MIA2: variants seen among roughly 807,000 people sequenced by gnomAD.
MIA2 encodes the protein MIA SH3 domain ER export factor 2, also known as melanoma inhibitory activity protein 2.
A neutral mutation model predicts 167.8 loss-of-function variants in MIA2; 127 were observed. The observed-to-expected ratio is 0.76, with a 90% CI of 0.66 to 0.88. The LOEUF is 0.88. MIA2 is among the 40% of genes least tolerant of loss of function. MIA2 has a pLI of 0.00. For missense variants in MIA2, 1,690 were observed against 1,624.7 expected (o/e 1.04, Z -0.69); for synonymous variants, 552 against 541.9 (o/e 1.02, Z -0.26).
chr14:39,363,635 G>A (rs1431122850), intron 23 of MIA2, among the ~76,000 whole-genome samples: 1 of 152,228 alleles, frequency 6.6e-6, no homozygotes. Flanking sequence ...CTGCATTGGT[G>A]TCTGTGTCTC....
intron 23 of MIA2, among the ~76,000 whole-genome samples, chr14:39,368,615 T>C (rs1467564837): frequency 2.0e-5 from 3 of 151,990 alleles, no homozygotes; most frequent in African/African-American, 4.8e-5. Flanking sequence ...TTTTTTTTAA[T>C]CTTTGGAAAA....
chr14:39,261,791 T>G (rs931930118), intron 6 of MIA2, among the ~76,000 whole-genome samples: 1 of 152,222 alleles, frequency 6.6e-6, no homozygotes, highest in African/African-American at 2.4e-5. Flanking sequence ...ATGTCTTCTT[T>G]TGAGAAGTGT....
chr14:39,311,986 T>G (rs748605402), intron 18 of MIA2, among the ~76,000 whole-genome samples: 1 of 151,582 alleles, frequency 6.6e-6, no homozygotes, highest in African/African-American at 2.4e-5. Context: ...CGCGCCACCA[T>G]GCCTGCCTAA....
Position 39,247,573 on chromosome 14 carries a change from A to G in MIA2, c.999A>G (p.Glu333=). The change falls in exon 4 of 29, where the codon GAA becomes GAG. Residue 333 remains glutamate, a synonymous_variant. Coordinates refer to ENST00000640607, the MANE Select transcript of MIA2 (RefSeq NM_001329214.4). ...CAGGGCTTGAATTAATAGCTGAAGA[A>G]AGCAATCCACCACTACAAGATTTTC... ...EDTGLELIAE[E]SNPPLQDFPN... is the part of the protein sequence containing the mutation. 6.2e-7 allele frequency: 1 copy of G among 1,614,046 alleles called. No individual in the cohort carries two copies. Among genetic ancestry groups the G allele is most frequent in the Non-Finnish European group, 8.5e-7 (1 of 1,180,024 alleles).
rs2060596509 is a variant in MIA2, at chr14:39,290,580, G to C, written c.2131-439G>C. On this transcript the variant is annotated intron_variant, in intron 9 of 28. Coordinates refer to ENST00000640607, the MANE Select transcript of MIA2 (RefSeq NM_001329214.4). The stretch of plus-strand genomic sequence containing the variant: ...AAGTGAAAAGTTTTGATGGTCAGTT[G>C]CTATATATTTCTCTTTAATGAATAG... Among the ~76,000 whole-genome samples, 3 of 152,100 alleles carry C rather than the reference G, an allele frequency of 2.0e-5. 1 individual carries two copies. The South Asian group carries it at 6.2e-4, about 31-fold the overall frequency.
intron 23 of MIA2, among the ~76,000 whole-genome samples, chr14:39,363,839 TG>T (rs2074754440): frequency 6.6e-6 from 1 of 152,240 alleles, no homozygotes; most frequent in Non-Finnish European, 1.5e-5. Flanking sequence ...TGCTTGCTTT[TG>T]GTTTCTCTTC....
chr14:39,301,041 C>CATAT (rs1566820285), intron 14 of MIA2, among the ~76,000 whole-genome samples: 12 of 1,392 alleles, frequency 8.6e-3, no homozygotes, highest in Admixed American at 0.019. Flanking sequence ...CATATACATA[C>CATAT]ACACACACAC....
In MIA2 at chr14:39,321,211, G is replaced by A. The variant is rs930426689; in HGVS notation, c.3496+155G>A. Among the ~76,000 whole-genome samples the A allele has an allele frequency of 3.3e-5, 5 of 152,166 alleles. No homozygotes were observed. In the East Asian group the frequency reaches 7.7e-4, roughly 23 times the overall value. ...CTTTTATTTGGAAAAGGAGCTCTAT[G>A]ACATCTAATTTTGATGTATTTTTCT... On this transcript the variant is annotated intron_variant, in intron 24 of 28. Transcript: ENST00000640607.
At chr14:39,312,013 G>T (rs190093841) in intron 18 of MIA2, among the ~76,000 whole-genome samples, 154 of 144,776 alleles carry the variant, frequency 1.1e-3, no homozygotes, top group African/African-American at 3.7e-3. Flanking sequence ...TATTTTTAGT[G>T]GAGATGGGGT....
chr14:39,302,141 C>A lies in MIA2; in HGVS notation c.2632C>A (p.Arg878Ser). 1 of 1,613,040 alleles carries A rather than the reference C, an allele frequency of 6.2e-7. No homozygotes were observed. Among genetic ancestry groups the A allele is most frequent in the Non-Finnish European group, 8.5e-7 (1 of 1,179,364 alleles). Residue 878 changes from arginine to serine, a missense_variant, in exon 15 of 29, where the codon CGC becomes AGC. Transcript: ENST00000640607. Reference protein sequence around the residue: ...KESHIKTLTERLLKMKDWAAM... With the variant: ...KESHIKTLTESLLKMKDWAAM... Reference sequence around the variant, plus strand: ...GTTCAATGTCAAGACTCTGACTGAACGCTTGTTAAAGATGAAAGATTGGGC... The same window carrying A: ...GTTCAATGTCAAGACTCTGACTGAAAGCTTGTTAAAGATGAAAGATTGGGC...
chr14:39,338,361 TAAA>T (rs757891415), intron 25 of MIA2, among the ~76,000 whole-genome samples: 2 of 152,106 alleles, frequency 1.3e-5, no homozygotes, highest in African/African-American at 2.4e-5. Context: ...TATTTTAAAA[TAAA>T]AAAGTAAAAA....
intron 14 of MIA2, among the ~76,000 whole-genome samples, chr14:39,301,408 A>T (rs2062473834): frequency 6.6e-6 from 1 of 152,028 alleles, no homozygotes; most frequent in African/African-American, 2.4e-5. Context: ...TCCTCTACTA[A>T]AGGCTTTGGG....
chr14:39,270,768 G>A (rs1161929200), intron 6 of MIA2, among the ~76,000 whole-genome samples: 3 of 152,058 alleles, frequency 2.0e-5, no homozygotes, highest in African/African-American at 7.2e-5. Context: ...TATCTTCTTT[G>A]GGGAAATGTC....
Position 39,247,419 on chromosome 14 carries a change from C to T in MIA2, c.845C>T (p.Ser282Leu). 6.2e-7 allele frequency: 1 copy of T among 1,614,032 alleles called. No homozygotes were observed. Among genetic ancestry groups the T allele is most frequent in the Non-Finnish European group, 8.5e-7 (1 of 1,179,986 alleles). The change falls in exon 4 of 29, where the codon TCA becomes TTA. Residue 282 changes from serine (S) to leucine (L), a missense_variant. Coordinates refer to ENST00000640607, the MANE Select transcript of MIA2 (RefSeq NM_001329214.4). ...ACAGAACATCAGCAAGAATCTGAAT[C>T]AGAAATTGATTCAGTGCCAAAGACA... Reference protein sequence around the residue: ...PQTEHQQESESEIDSVPKTQS... With the variant: ...PQTEHQQESELEIDSVPKTQS...
intron 13 of MIA2, among the ~76,000 whole-genome samples, chr14:39,296,769 T>G (rs1026767889): frequency 7.9e-5 from 12 of 151,668 alleles, no homozygotes; most frequent in African/African-American, 2.9e-4. Context: ...ATATCTTTTC[T>G]TTTTGTTGTT....
chr14:39,356,907 G>C (rs2074542959), intron 23 of MIA2, among the ~76,000 whole-genome samples: 3 of 152,202 alleles, frequency 2.0e-5, no homozygotes, highest in Admixed American at 1.3e-4. Flanking sequence ...TTGCACTGTG[G>C]TCTGAGAGAA....
intron 17 of MIA2, among the ~76,000 whole-genome samples, chr14:39,307,253 T>A (rs866253645): frequency 8.6e-5 from 13 of 151,994 alleles, no homozygotes; most frequent in Non-Finnish European, 1.5e-4. Context: ...AACTACAATA[T>A]CTCCCTTTAA....
At position 39,234,053 on chromosome 14, in the gene MIA2, A is replaced by G; in HGVS notation, c.-62A>G. The G allele has an allele frequency of 9.6e-7, 1 of 1,043,978 alleles. No individual in the cohort carries two copies. The highest frequency in any genetic ancestry group is 1.4e-6 in the Non-Finnish European group (1 of 702,970). The allele number at this position is 1,043,978 out of a possible 1,614,324, so 64.7% of individuals were successfully genotyped here. On this transcript the variant is annotated 5_prime_UTR_variant, in exon 1 of 29. Coordinates refer to ENST00000640607, the MANE Select transcript of MIA2 (RefSeq NM_001329214.4). ...TAGAATATCTCCAGTTTTGGCTGAC[A>G]TCTCTACAACCTGAACAATTGGCTT...
chr14:39,340,776 T>C (rs2071631139), intron 25 of MIA2, among the ~76,000 whole-genome samples: 2 of 152,218 alleles, frequency 1.3e-5, no homozygotes, highest in Admixed American at 6.5e-5. Flanking sequence ...TAATCACTTA[T>C]GTCTTATATA....
Sources: allele counts gnomAD v4.1 joint callset (sites outside exome capture counted in the v4.1 genomes callset), GRCh38; gene constraint gnomAD v4.1.1; transcripts MANE v1.5; gene names NCBI Gene and HGNC (gene_info 2026-07-23, HGNC 2026-07-21).